CDH22: variants seen among roughly 807,000 people sequenced by gnomAD.
CDH22 encodes cadherin 22, also known as cadherin-22.
In CDH22, 30 loss-of-function variants were observed where a neutral mutation model predicts 58.4. The observed-to-expected ratio is 0.51, with a 90% CI of 0.38 to 0.70. The LOEUF is 0.70. CDH22 is among the 30% of genes least tolerant of loss of function. CDH22 has a pLI of 0.00. For synonymous variants in CDH22, 513 were observed against 558.2 expected, an observed-to-expected ratio of 0.92 and a Z score of 1.14; for missense variants, 1,014 against 1,233.9, an observed-to-expected ratio of 0.82 and a Z score of 2.67.
chr20:46,291,566 C>G (rs112863951), intron 1 of CDH22, among the ~76,000 whole-genome samples: 7 of 152,322 alleles, frequency 4.6e-5, no homozygotes, highest in Non-Finnish European at 5.9e-5. Context: ...CCTCTGCCGT[C>G]GACATTCATG....
intron 1 of CDH22, among the ~76,000 whole-genome samples, chr20:46,305,183 G>T (rs1335632443): frequency 6.6e-6 from 1 of 152,236 alleles, no homozygotes; most frequent in Non-Finnish European, 1.5e-5. Context: ...GTTAGGCCTT[G>T]TCTCCTCCAT....
chr20:46,302,210 C>T (rs1411803177), intron 1 of CDH22, among the ~76,000 whole-genome samples: 1 of 152,188 alleles, frequency 6.6e-6, no homozygotes, highest in Non-Finnish European at 1.5e-5. Flanking sequence ...TCAAGATCTT[C>T]TCATACAGGG....
chr20:46,249,489 G>A (rs1017652037), intron 2 of CDH22, among the ~76,000 whole-genome samples: 7 of 152,206 alleles, frequency 4.6e-5, no homozygotes, highest in African/African-American at 1.7e-4. Flanking sequence ...TGGAGCTTTG[G>A]GCCAGGTATT....
chr20:46,177,768 G>A (rs898379356), intron 11 of CDH22, among the ~76,000 whole-genome samples, 178 bp downstream of exon 11: 3 of 152,194 alleles, frequency 2.0e-5, no homozygotes, highest in African/African-American at 4.8e-5. Flanking sequence ...TGGCGGGGCC[G>A]CTCTGCACTT....
chr20:46,215,079 G>A (rs577830407), intron 5 of CDH22, among the ~76,000 whole-genome samples: 10 of 152,338 alleles, frequency 6.6e-5, no homozygotes, highest in South Asian at 2.1e-4. Context: ...GGACATGTGC[G>A]TTTCCTCATG....
At chr20:46,305,394 G>T (rs943176186) in intron 1 of CDH22, among the ~76,000 whole-genome samples, 1 of 152,180 alleles carries the variant, frequency 6.6e-6, no homozygotes, top group Non-Finnish European at 1.5e-5. Flanking sequence ...CCACTCTTGC[G>T]GGGGGCATGA....
chr20:46,277,676 T>C (rs2425844), intron 1 of CDH22, among the ~76,000 whole-genome samples: 100,783 of 151,438 alleles, frequency 0.67, 33,638 homozygotes, highest in East Asian at 0.71. Flanking sequence ...CGCCCCCCAC[T>C]GGTCCAGTGC....
At chr20:46,180,391 A>G (rs2085776108) in intron 10 of CDH22, among the ~76,000 whole-genome samples, 1 of 152,350 alleles carries the variant, frequency 6.6e-6, no homozygotes, top group East Asian at 1.9e-4. Flanking sequence ...CAAGTTCGAC[A>G]GTTCAAACTG....
intron 8 of CDH22, among the ~76,000 whole-genome samples, chr20:46,195,694 C>G (rs1202034697): frequency 6.7e-6 from 1 of 148,624 alleles, no homozygotes; most frequent in East Asian, 2.0e-4. Context: ...ACAAATTGTA[C>G]TTTAAATTCA....
Position 46,174,511 on chromosome 20 carries a change from A to C in CDH22, c.2482T>G (p.Ser828Ala). ...CCCGACGGCAGGGCGAGGGGCTAGG[A>C]GGCCTGGGCCTCGTCGTCCCCGCGG... The part of the protein sequence containing the change: ...GHRGDDEAQA[S>A] The change falls in exon 12 of 12, where the codon TCC becomes GCC. Residue 828 changes from serine (S) to alanine (A), a missense_variant. By Grantham distance (99) the Ser-to-Ala change is moderately conservative. Coordinates refer to ENST00000537909, the MANE Select transcript of CDH22 (RefSeq NM_021248.3). This position sits in a 1 kb window ranked among gnomAD's most constrained non-coding sequence, Gnocchi z 4.4. 1 of 1,506,856 alleles carries C rather than the reference A, an allele frequency of 6.6e-7. No individual in the cohort carries two copies. Among genetic ancestry groups the C allele is most frequent in the Non-Finnish European group, 8.8e-7 (1 of 1,134,650 alleles). The allele number at this position is 1,506,856 out of a possible 1,614,324, so 93.3% of individuals were successfully genotyped here. A position where few individuals can be genotyped will look rare whatever the true frequency, so the allele number is the denominator to read the frequency against.
intron 6 of CDH22, among the ~76,000 whole-genome samples, chr20:46,212,054 G>C (rs1372009906): frequency 3.3e-5 from 5 of 152,186 alleles, no homozygotes; most frequent in African/African-American, 4.8e-5. Flanking sequence ...CTCTGGAAAG[G>C]AGCTGAAGGA....
intron 1 of CDH22, among the ~76,000 whole-genome samples, chr20:46,264,923 G>A (rs953674185): frequency 9.9e-5 from 15 of 151,808 alleles, no homozygotes; most frequent in Admixed American, 8.5e-4. Context: ...CACACATACC[G>A]TGTACACATG....
chr20:46,293,481 G>A (rs913637232), intron 1 of CDH22, among the ~76,000 whole-genome samples: 2 of 151,724 alleles, frequency 1.3e-5, no homozygotes, highest in African/African-American at 2.4e-5. Flanking sequence ...TGCAGTCTCC[G>A]ACCCAAGATA....
chr20:46,259,635 C>G (rs1326724792), intron 1 of CDH22, among the ~76,000 whole-genome samples: 1 of 152,172 alleles, frequency 6.6e-6, no homozygotes, highest in Non-Finnish European at 1.5e-5. Flanking sequence ...GCTCCTATCT[C>G]CTTGAGTAAC....
chr20:46,278,154 C>T (rs2086530029), intron 1 of CDH22, among the ~76,000 whole-genome samples: 1 of 152,022 alleles, frequency 6.6e-6, no homozygotes, highest in African/African-American at 2.4e-5. Flanking sequence ...AGGCCTCTCC[C>T]CCTGGGCTCC....
At chr20:46,222,633 A>C (rs1408668948) in intron 4 of CDH22, among the ~76,000 whole-genome samples, 1 of 152,156 alleles carries the variant, frequency 6.6e-6, no homozygotes, top group Non-Finnish European at 1.5e-5. Context: ...GTCTTCACCC[A>C]TCGTCCCCAG....
Position 46,177,889 on chromosome 20 carries a change from C to T in CDH22, c.1915+57G>A. The T allele has an allele frequency of 2.5e-6, 4 of 1,589,298 alleles. No individual in the cohort carries two copies. The South Asian group carries it at 3.4e-5, about 14-fold the overall frequency. On this transcript the variant is annotated intron_variant, in intron 11 of 11. Coordinates refer to ENST00000537909, the MANE Select transcript of CDH22 (RefSeq NM_021248.3). ...CATGGGGGCTGGTTAGGAAGGAAAC[C>T]CAGGACGCCAGGATGGGGCCAATCA...
chr20:46,254,200 G>A (rs941203428), intron 1 of CDH22, among the ~76,000 whole-genome samples: 12 of 152,136 alleles, frequency 7.9e-5, no homozygotes, highest in Admixed American at 1.3e-4. Flanking sequence ...TTCCACAAAT[G>A]TTTACCAGCA....
chr20:46,271,561 G>A (rs1174745286), intron 1 of CDH22, among the ~76,000 whole-genome samples: 1 of 151,568 alleles, frequency 6.6e-6, no homozygotes, highest in Non-Finnish European at 1.5e-5. Context: ...ACTCTTCTCA[G>A]CCCACTGCCA....
Sources: gnomAD v4.1 joint callset for allele counts (sites outside exome capture counted in the v4.1 genomes callset) on GRCh38, gnomAD v4.1.1 for gene constraint, Gnocchi (gnomAD v3.1) non-coding constraint, MANE v1.5 for transcripts, NCBI Gene and HGNC (gene_info 2026-07-23, HGNC 2026-07-21) for gene names.